NAALADL2: variants seen among roughly 807,000 people sequenced by gnomAD.
NAALADL2 encodes the protein inactive N-acetylated-alpha-linked acidic dipeptidase-like protein 2.
A neutral mutation model predicts 87.2 loss-of-function variants in NAALADL2; 76 were observed. The ratio of observed to expected loss-of-function variants is 0.87; its 90% CI spans 0.72 to 1.05. The LOEUF is 1.05. Ranked by LOEUF, NAALADL2 falls within the 50% of genes least tolerant of loss-of-function variation. NAALADL2 has a pLI of 0.00. For synonymous variants in NAALADL2, 354 were observed against 331.0 expected (o/e 1.07, Z -0.75); for missense variants, 1,089 against 945.8 (o/e 1.15, Z -1.99).
intron 2 of NAALADL2, among the ~76,000 whole-genome samples, chr3:174,590,786 T>G (rs1347616603): frequency 6.6e-6 from 1 of 152,158 alleles, no homozygotes; most frequent in Non-Finnish European, 1.5e-5. Flanking sequence ...GTTGTTGTTG[T>G]TGGTATGAGG....
intron 5 of NAALADL2, among the ~76,000 whole-genome samples, chr3:175,439,532 A>G (rs1234914240): frequency 1.3e-5 from 2 of 151,896 alleles, no homozygotes; most frequent in African/African-American, 4.8e-5. Context: ...GATTATGGCC[A>G]TTCTTGCAGA....
chr3:175,794,984 T>C (rs1753282027), intron 13 of NAALADL2, among the ~76,000 whole-genome samples: 1 of 152,298 alleles, frequency 6.6e-6, no homozygotes, highest in African/African-American at 2.4e-5. Context: ...GCCTTCCTGC[T>C]GCATCCTCAC....
At chr3:174,645,505 AG>A (rs1247433199) in intron 2 of NAALADL2, among the ~76,000 whole-genome samples, 1 of 152,214 alleles carries the variant, frequency 6.6e-6, no homozygotes, top group Non-Finnish European at 1.5e-5. Context: ...TGGAGGACAA[AG>A]AAACTTCAGG....
rs190257018 is a variant in NAALADL2 at position 175,400,723 on chromosome 3, C to G, written c.1091-46506C>G. On this transcript the variant is annotated intron_variant, in intron 5 of 13. Coordinates refer to ENST00000454872, the MANE Select transcript of NAALADL2 (RefSeq NM_207015.3). ...GAGTATATATTTTATGTTGTACAAT[C>G]AACCTTATGGTCTGGGTCAGTTAAT... Among the ~76,000 whole-genome samples, 618 of 152,162 alleles carry G rather than the reference C, an allele frequency of 4.1e-3. 7 individuals are homozygous for G. The highest frequency in any genetic ancestry group is 0.014 in the African/African-American group (596 of 41,540).
intron 10 of NAALADL2, among the ~76,000 whole-genome samples, chr3:175,622,343 A>G (rs1428375554): frequency 6.6e-6 from 1 of 152,184 alleles, no homozygotes; most frequent in Non-Finnish European, 1.5e-5. Context: ...GCCGTAAAAC[A>G]GCTCAACTAT....
At chr3:175,251,337 A>G (rs1749033085) in intron 3 of NAALADL2, among the ~76,000 whole-genome samples, 1 of 152,234 alleles carries the variant, frequency 6.6e-6, no homozygotes, top group African/African-American at 2.4e-5. Context: ...TTAAAAATTA[A>G]CATGTAGACT....
chr3:174,742,456 C>G lies in NAALADL2; in HGVS notation c.-9+4710C>G, dbSNP rs1439825606. 7.3e-5 allele frequency among the ~76,000 whole-genome samples: 11 copies of G among 151,598 alleles called. No individual in the cohort carries two copies. The East Asian group carries it at 2.1e-3, about 29-fold the overall frequency. ...GTGTGGTCAGTTTTTTAGAGCCAAC[C>G]TAGTACCTATTCATATCATGCCAGA... On this transcript the variant is annotated intron_variant, in intron 3 of 3. Transcript: ENST00000434257.
intron 2 of NAALADL2, among the ~76,000 whole-genome samples, chr3:175,181,948 T>A (rs1316264725): frequency 6.6e-6 from 1 of 151,666 alleles, no homozygotes; most frequent in Non-Finnish European, 1.5e-5. Flanking sequence ...ATGGTCATTG[T>A]ATTTTTAACT....
At chr3:175,069,760 C>T (rs560194488) in intron 1 of NAALADL2, among the ~76,000 whole-genome samples, 10,258 of 151,670 alleles carry the variant, frequency 0.068, 1,164 homozygotes, top group African/African-American at 0.24. Flanking sequence ...TTGGAACCAA[C>T]GCAAATGTCC....
At chr3:175,012,782 C>T (rs1448116682) in intron 1 of NAALADL2, among the ~76,000 whole-genome samples, 1 of 151,692 alleles carries the variant, frequency 6.6e-6, no homozygotes, top group African/African-American at 2.4e-5. Flanking sequence ...GTACCCAGCC[C>T]TTTACAGGAA....
At chr3:174,490,956 C>A (rs148074924) in intron 1 of NAALADL2, among the ~76,000 whole-genome samples, 1 of 152,006 alleles carries the variant, frequency 6.6e-6, no homozygotes, top group South Asian at 2.1e-4. Context: ...AGATAACATA[C>A]TTTAAGAGTA....
chr3:174,822,446 A>G (rs1031827825), intron 3 of NAALADL2, among the ~76,000 whole-genome samples: 6 of 152,210 alleles, frequency 3.9e-5, no homozygotes, highest in African/African-American at 1.2e-4. Context: ...GGCCAAATAT[A>G]AAAATCAACA....
At chr3:174,707,397 A>C (rs1023710361) in intron 2 of NAALADL2, among the ~76,000 whole-genome samples, 1 of 152,170 alleles carries the variant, frequency 6.6e-6, no homozygotes, top group Non-Finnish European at 1.5e-5. Context: ...GAACCAACCC[A>C]AATGTCCAAC....
rs147804644 is a variant in NAALADL2, at chr3:174,972,121, CT to C, written c.43+112675del. ...CTCCATATTTTCTTACTCACAGAAA[CT>C]TTTCATTGATTGAACTGTCTAGCCC... On this transcript the variant is annotated intron_variant, in intron 1 of 13. Coordinates refer to ENST00000454872, the MANE Select transcript of NAALADL2 (RefSeq NM_207015.3). 8.2e-3 allele frequency among the ~76,000 whole-genome samples: 1,243 copies of C among 152,250 alleles called. 12 individuals are homozygous for C. The highest frequency in any genetic ancestry group is 0.028 in the African/African-American group (1,157 of 41,538).
At position 175,141,269 on chromosome 3, in the gene NAALADL2, G is replaced by T. The variant is rs111242837; in HGVS notation, c.545+43978G>T. ...GCTACAAAATGTGTTATCAACCTGA[G>T]AATGTTCATAGCTCCTTTTTTTTTC... is the stretch of plus-strand genomic sequence containing the variant. On this transcript the variant is annotated intron_variant, in intron 2 of 13. Transcript: ENST00000454872. Among the ~76,000 whole-genome samples, 487 of 152,134 alleles carry T rather than the reference G, an allele frequency of 3.2e-3. 2 individuals are homozygous for T. The highest frequency in any genetic ancestry group is 0.011 in the African/African-American group (473 of 41,524).
chr3:175,273,908 A>G (rs1753214746), intron 4 of NAALADL2, among the ~76,000 whole-genome samples: 2 of 152,164 alleles, frequency 1.3e-5, no homozygotes, highest in African/African-American at 4.8e-5. Context: ...TAACAAATTA[A>G]AATCGTTAAG....
At chr3:174,828,623 T>A (rs1414723709) in intron 3 of NAALADL2, among the ~76,000 whole-genome samples, 4 of 152,208 alleles carry the variant, frequency 2.6e-5, no homozygotes, top group African/African-American at 9.6e-5. Context: ...TCATTTCTTA[T>A]CTCTGTATAT....
At chr3:174,881,603 T>C (rs749739779) in intron 1 of NAALADL2, among the ~76,000 whole-genome samples, 2 of 152,142 alleles carry the variant, frequency 1.3e-5, no homozygotes, top group African/African-American at 2.4e-5. Flanking sequence ...TATTTACTTG[T>C]TTATTATGCT....
At position 175,744,039 on chromosome 3, in the gene NAALADL2, A is replaced by T. The variant is rs201336071; in HGVS notation, c.1990+6640A>T. On this transcript the variant is annotated intron_variant, in intron 12 of 13. Coordinates refer to ENST00000454872, the MANE Select transcript of NAALADL2 (RefSeq NM_207015.3). ...TTGGTGGTACAAAAGCACAGGGTGA[A>T]AAAGCACTGCTGCCTACGACAGCTA... Among the ~76,000 whole-genome samples the T allele has an allele frequency of 7.9e-5, 12 of 152,360 alleles. No homozygotes were observed. In the East Asian group the frequency reaches 1.5e-3, roughly 20 times the overall value.
Sources: gnomAD v4.1 joint callset for allele counts (sites outside exome capture counted in the v4.1 genomes callset) on GRCh38, gnomAD v4.1.1 for gene constraint, MANE v1.5 for transcripts, NCBI Gene and HGNC (gene_info 2026-07-23, HGNC 2026-07-21) for gene names.